NRP1: variants seen among roughly 807,000 people sequenced by gnomAD.
The protein encoded by NRP1 is neuropilin-1.
NRP1 carries 35 observed loss-of-function variants against 106.7 expected under a neutral mutation model. That is an observed-to-expected ratio of 0.33 (90% CI 0.25 to 0.43). The LOEUF (loss-of-function observed/expected upper bound fraction) is 0.43, where lower values mean the gene tolerates loss of function less well. Among genes scored for constraint, NRP1 ranks in the 20% least tolerant of loss-of-function variants. The probability of loss-of-function intolerance (pLI) is 1.00; values close to 1 mark genes in which losing one functional copy is unlikely to be tolerated. For missense variants in NRP1, 1,024 were observed against 1,170.4 expected (o/e 0.87, Z 1.83); for synonymous variants, 437 against 417.9 (o/e 1.05, Z -0.56).
rs1383878843 is a variant in NRP1 at position 33,202,738 on chromosome 10, G to A, written c.1864+153C>T. 1.3e-5 allele frequency: 21 copies of A among 1,558,574 alleles called. No individual in the cohort carries two copies. The South Asian group carries it at 2.4e-4, about 17-fold the overall frequency. ...AACTCATCTATCCAGATGACATGAG[G>A]AAATGAAGATGCACGTGTTCTGGCA... On this transcript the variant is annotated intron_variant, in intron 11 of 16. Coordinates refer to ENST00000374867, the MANE Select transcript of NRP1 (RefSeq NM_003873.7).
intron 6 of NRP1, among the ~76,000 whole-genome samples, chr10:33,230,785 T>C (rs1432480842): frequency 6.6e-6 from 1 of 152,238 alleles, no homozygotes; most frequent in Non-Finnish European, 1.5e-5. Context: ...TTTTCATTTC[T>C]TTTCTGTAAG....
intron 2 of NRP1, among the ~76,000 whole-genome samples, chr10:33,319,246 T>C (rs1321994176): frequency 6.6e-6 from 1 of 152,026 alleles, no homozygotes; most frequent in South Asian, 2.1e-4. Context: ...GACCTCGTGA[T>C]CCGCCCGCCT....
intron 6 of NRP1, among the ~76,000 whole-genome samples, chr10:33,228,492 T>A (rs1225361122): frequency 1.3e-5 from 2 of 152,252 alleles, no homozygotes; most frequent in Non-Finnish European, 2.9e-5. Flanking sequence ...GAATATAATA[T>A]TTCAATTAAT....
In NRP1 at chr10:33,186,306, C is replaced by T. The variant is rs566477081; in HGVS notation, c.2245G>A (p.Asp749Asn). ...KLRYQKPEEY[D>N]QLVWMAIGHQ... ...CCAATGGCCATCCAGACCAGCTGAT[C>T]GTACTCCTCTGGCTTCTGGTAGCGC... The change falls in exon 14 of 17, where the codon GAT (aspartate) becomes AAT (asparagine). Residue 749 changes from aspartate (D) to asparagine (N), a missense_variant. Coordinates refer to ENST00000374867, the MANE Select transcript of NRP1 (RefSeq NM_003873.7). 4.3e-6 allele frequency: 7 copies of T among 1,614,160 alleles called. No individual in the cohort carries two copies. The South Asian group carries it at 6.6e-5, about 15-fold the overall frequency.
chr10:33,320,683 C>T (rs577726239), intron 2 of NRP1, among the ~76,000 whole-genome samples: 3 of 152,180 alleles, frequency 2.0e-5, no homozygotes, highest in Non-Finnish European at 4.4e-5. Context: ...GGTTTTTCAC[C>T]TCAACTCTTC....
At chr10:33,264,992 C>A (rs1183344865) in intron 3 of NRP1, among the ~76,000 whole-genome samples, 1 of 152,014 alleles carries the variant, frequency 6.6e-6, no homozygotes, top group African/African-American at 2.4e-5. Flanking sequence ...CACCTGTAAT[C>A]CCAGCTACCC....
At chr10:33,285,658 C>T (rs962900241) in intron 2 of NRP1, among the ~76,000 whole-genome samples, 3 of 151,886 alleles carry the variant, frequency 2.0e-5, no homozygotes, top group Non-Finnish European at 2.9e-5. Context: ...GGTGAAACCG[C>T]GTATCTACTA....
chr10:33,207,730 AAAACAC>A lies in NRP1; in HGVS notation c.1615-20_1615-15del. 6.2e-7 allele frequency: 1 copy of A among 1,611,656 alleles called. No individual in the cohort carries two copies. The highest frequency in any genetic ancestry group is 8.5e-7 in the Non-Finnish European group (1 of 1,179,394). ...GCCCTCAAAAGACTGTGAAGCATGG[AAAACAC>A]AGGGCATTAAGGAAAAAAAAAAACA... On this transcript the variant is annotated splice_polypyrimidine_tract_variant and intron_variant, in intron 9 of 16. Transcript: ENST00000374867.
rs189482193 is a variant in NRP1 at position 33,284,758 on chromosome 10, T to C, written c.249-13902A>G. ...CATGAATATTCACAATTTATATCAG[T>C]AAATTAAAGGCTCTGAGAGTTATGA... On this transcript the variant is annotated intron_variant, in intron 2 of 16. Transcript: ENST00000374867. Among the ~76,000 whole-genome samples, 24 of 152,318 alleles carry C rather than the reference T, an allele frequency of 1.6e-4. No homozygotes were observed. In the East Asian group the frequency reaches 4.0e-3, roughly 26 times the overall value.
intron 10 of NRP1, among the ~76,000 whole-genome samples, 172 bp from the exon 11 acceptor site, chr10:33,203,167 A>G (rs1174543679): frequency 6.6e-6 from 1 of 152,262 alleles, no homozygotes; most frequent in Non-Finnish European, 1.5e-5. Flanking sequence ...TGCAGAATAT[A>G]TAATAGCAGA....
chr10:33,304,357 C>G (rs143422004), intron 2 of NRP1, among the ~76,000 whole-genome samples: 1 of 152,192 alleles, frequency 6.6e-6, no homozygotes, highest in African/African-American at 2.4e-5. Flanking sequence ...AAAACCAATA[C>G]TACCAAAAGG....
chr10:33,256,244 G>A, intron 5 of NRP1, 72 bp downstream of exon 5: 1 of 1,466,252 alleles, frequency 6.8e-7, no homozygotes, highest in Non-Finnish European at 9.5e-7. Flanking sequence ...TGCTTCATGT[G>A]GCCGCAGGTG....
At chr10:33,239,382 A>G (rs1168641305) in intron 6 of NRP1, among the ~76,000 whole-genome samples, 2 of 152,210 alleles carry the variant, frequency 1.3e-5, no homozygotes, top group Non-Finnish European at 2.9e-5. Flanking sequence ...TGTTTGTTGA[A>G]TTTAAATTCG....
At chr10:33,243,171 T>C (rs754381767) in intron 6 of NRP1, among the ~76,000 whole-genome samples, 2 of 152,144 alleles carry the variant, frequency 1.3e-5, no homozygotes, top group Non-Finnish European at 2.9e-5. Flanking sequence ...GAAGTTTCTA[T>C]GTGAAATCCC....
At chr10:33,220,917 A>G (rs1172699098) in intron 8 of NRP1, among the ~76,000 whole-genome samples, 21 of 151,046 alleles carry the variant, frequency 1.4e-4, no homozygotes, top group Admixed American at 1.1e-3. Context: ...AAAAAAAAAA[A>G]AAAAAAGAAA....
At chr10:33,263,602 C>T in intron 4 of NRP1, 44 bp downstream of exon 4, 1 of 1,445,508 alleles carries the variant, frequency 6.9e-7, no homozygotes, top group Non-Finnish European at 9.7e-7. Flanking sequence ...TGGTGCCCTT[C>T]CTCCAGAACC....
At chr10:33,300,832 A>G (rs1028575568) in intron 2 of NRP1, among the ~76,000 whole-genome samples, 9 of 152,112 alleles carry the variant, frequency 5.9e-5, no homozygotes, top group Admixed American at 5.2e-4. Flanking sequence ...GACTGAACCA[A>G]TGTTCATCTT....
intron 2 of NRP1, among the ~76,000 whole-genome samples, chr10:33,276,620 C>T (rs1323656427): frequency 1.3e-5 from 2 of 152,130 alleles, no homozygotes; most frequent in South Asian, 2.1e-4. Flanking sequence ...TTGCCTACTT[C>T]GGGGCAAGCT....
At chr10:33,255,304 A>G (rs1256528748) in intron 5 of NRP1, among the ~76,000 whole-genome samples, 1 of 152,218 alleles carries the variant, frequency 6.6e-6, no homozygotes, top group African/African-American at 2.4e-5. Flanking sequence ...TTGAAATTTC[A>G]CTGGCCTCTT....
Sources: allele counts gnomAD v4.1 joint callset (sites outside exome capture counted in the v4.1 genomes callset), GRCh38; gene constraint gnomAD v4.1.1; transcripts MANE v1.5; gene names NCBI Gene and HGNC (gene_info 2026-07-23, HGNC 2026-07-21).